COL28A1: variants seen among roughly 807,000 people sequenced by gnomAD.
The protein encoded by COL28A1 is collagen type XXVIII alpha 1 chain.
A neutral mutation model predicts 150.2 loss-of-function variants in COL28A1; 161 were observed. The observed-to-expected ratio is 1.07, with a 90% CI of 0.94 to 1.22. COL28A1 has a LOEUF of 1.22. COL28A1 is among the 50% of genes most tolerant of loss of function. COL28A1 has a pLI of 0.00. For missense variants in COL28A1, 1,617 were observed against 1,388.3 expected, an observed-to-expected ratio of 1.16 and a Z score of -2.62; for synonymous variants, 552 against 469.7, an observed-to-expected ratio of 1.18 and a Z score of -2.26.
intron 19 of COL28A1, among the ~76,000 whole-genome samples, chr7:7,443,890 A>G (rs777925798): frequency 1.3e-5 from 2 of 151,582 alleles, no homozygotes; most frequent in Non-Finnish European, 2.9e-5. Flanking sequence ...TTATCAGCCA[A>G]TTTCCAAAGC....
At chr7:7,368,871 A>T (rs1781075813) in intron 33 of COL28A1, among the ~76,000 whole-genome samples, 1 of 152,210 alleles carries the variant, frequency 6.6e-6, no homozygotes, top group Non-Finnish European at 1.5e-5. Flanking sequence ...CCTGAAATTA[A>T]TTGCATCATC....
chr7:7,427,324 T>C (rs969092803), intron 25 of COL28A1, among the ~76,000 whole-genome samples: 5 of 152,214 alleles, frequency 3.3e-5, no homozygotes, highest in Admixed American at 2.0e-4. Flanking sequence ...TTTGGGCTGA[T>C]TGTCCAGGCT....
intron 27 of COL28A1, among the ~76,000 whole-genome samples, chr7:7,402,203 T>C (rs1783244456): frequency 1.3e-5 from 2 of 152,236 alleles, no homozygotes; most frequent in East Asian, 3.8e-4. Flanking sequence ...CTAAGATTAG[T>C]TCCAGCTCAC....
intron 21 of COL28A1, among the ~76,000 whole-genome samples, chr7:7,439,154 A>T (rs1201787543): frequency 3.3e-5 from 5 of 152,210 alleles, no homozygotes; most frequent in Non-Finnish European, 7.3e-5. Flanking sequence ...GGACTCCATC[A>T]GTCAGATTCA....
At chr7:7,526,390 A>T (rs1309419367) in intron 3 of COL28A1, among the ~76,000 whole-genome samples, 1 of 152,264 alleles carries the variant, frequency 6.6e-6, no homozygotes, top group Non-Finnish European at 1.5e-5. Context: ...TGAGTGCAAA[A>T]GCAAGTTGTA....
chr7:7,363,578 G>T (rs1201361412), intron 33 of COL28A1, among the ~76,000 whole-genome samples: 1 of 151,896 alleles, frequency 6.6e-6, no homozygotes, highest in Non-Finnish European at 1.5e-5. Context: ...TCAAAAAAAA[G>T]AAAACAGAAA....
At chr7:7,451,853 T>C (rs1258759123) in intron 18 of COL28A1, among the ~76,000 whole-genome samples, 1 of 152,190 alleles carries the variant, frequency 6.6e-6, no homozygotes, top group African/African-American at 2.4e-5. Context: ...TTCTTAGACC[T>C]ACATCTTATA....
At chr7:7,384,470 T>C (rs1782067376) in intron 27 of COL28A1, among the ~76,000 whole-genome samples, 2 of 152,242 alleles carry the variant, frequency 1.3e-5, no homozygotes, top group African/African-American at 4.8e-5. Context: ...GTGAGTATAG[T>C]ACAGTAAGAT....
intron 25 of COL28A1, among the ~76,000 whole-genome samples, chr7:7,428,229 C>G (rs1008187770): frequency 2.6e-5 from 4 of 152,174 alleles, no homozygotes; most frequent in African/African-American, 7.2e-5. Context: ...TTAAGAGGTC[C>G]TAACCCCAAA....
At chr7:7,462,471 T>A (rs1417787827) in intron 15 of COL28A1, among the ~76,000 whole-genome samples, 1 of 152,172 alleles carries the variant, frequency 6.6e-6, no homozygotes, top group East Asian at 1.9e-4. Flanking sequence ...GTAAGGAAAT[T>A]TAAAAAATGA....
chr7:7,438,134 C>A (rs150162500), intron 21 of COL28A1, among the ~76,000 whole-genome samples: 2,463 of 152,058 alleles, frequency 0.016, 61 homozygotes, highest in African/African-American at 0.056. Context: ...TGCCTGTAAT[C>A]CCAGCTACTC....
intron 1 of COL28A1, among the ~76,000 whole-genome samples, chr7:7,535,201 T>C (rs566206349): frequency 2.4e-4 from 37 of 152,292 alleles, no homozygotes; most frequent in African/African-American, 8.9e-4. Context: ...ATCATAATTA[T>C]TAATCAAATA....
intron 13 of COL28A1, among the ~76,000 whole-genome samples, chr7:7,479,638 T>C (rs1036272616): frequency 2.6e-5 from 4 of 152,232 alleles, no homozygotes; most frequent in African/African-American, 4.8e-5. Context: ...AATTGAAATC[T>C]TGATAGGATC....
In COL28A1 at chr7:7,521,926, A is replaced by G; in HGVS notation, c.738T>C (p.Asp246=). The change falls in exon 5 of 35, where the codon GAT becomes GAC. Residue 246 remains aspartate (D), a synonymous_variant. Coordinates refer to ENST00000399429, the MANE Select transcript of COL28A1 (RefSeq NM_001037763.3). Reference sequence around the variant, plus strand: ...TCACAGGAGGCCCTGGATCACCTGGATCTCCCTTCTCACATTCACAAATCT... The same window carrying G: ...TCACAGGAGGCCCTGGATCACCTGGGTCTCCCTTCTCACATTCACAAATCT... The part of the protein sequence containing the change: ...ERKICECEKG[D]PGDPGPPGTH... 1 of 1,155,250 alleles carries G rather than the reference A, an allele frequency of 8.7e-7. No homozygotes were observed. The highest frequency in any genetic ancestry group is 1.3e-6 in the Non-Finnish European group (1 of 760,394). 71.6% of individuals were successfully genotyped at this position (1,155,250 alleles called of 1,614,324 possible). A position where few individuals can be genotyped will look rare whatever the true frequency, so the allele number is the denominator to read the frequency against.
intron 28 of COL28A1, 78 bp downstream of exon 28, chr7:7,381,466 T>G: frequency 3.6e-5 from 36 of 992,534 alleles, no homozygotes; most frequent in Non-Finnish European, 5.4e-5. Context: ...GACACATATA[T>G]GAGAGTTCTT....
chr7:7,490,736 G>T, intron 11 of COL28A1, 90 bp from the exon 12 acceptor site: 1 of 637,528 alleles, frequency 1.6e-6, no homozygotes, highest in East Asian at 2.9e-5. Flanking sequence ...TTTGCAATAG[G>T]GGCTTTCAGA....
intron 25 of COL28A1, among the ~76,000 whole-genome samples, chr7:7,430,245 G>A (rs1349016615): frequency 4.6e-5 from 7 of 152,088 alleles, no homozygotes; most frequent in African/African-American, 1.7e-4. Context: ...TCCTGCCTCG[G>A]CCTCCTGAGC....
intron 27 of COL28A1, among the ~76,000 whole-genome samples, chr7:7,394,679 C>T (rs1248739968): frequency 1.3e-5 from 2 of 151,698 alleles, no homozygotes; most frequent in Non-Finnish European, 2.9e-5. Context: ...GGTTATCTAC[C>T]CCGAGACTGT....
intron 27 of COL28A1, among the ~76,000 whole-genome samples, chr7:7,397,451 C>G (rs1782904792): frequency 6.6e-6 from 1 of 152,150 alleles, no homozygotes; most frequent in Non-Finnish European, 1.5e-5. Context: ...ATGTGGACGT[C>G]TTTGAGAACC....
Sources: allele counts gnomAD v4.1 joint callset (sites outside exome capture counted in the v4.1 genomes callset), GRCh38; gene constraint gnomAD v4.1.1; transcripts MANE v1.5; gene names NCBI Gene and HGNC (gene_info 2026-07-23, HGNC 2026-07-21).